Variants in CNGA3 observed in about 807,000 individuals in gnomAD.
CNGA3 encodes cyclic nucleotide gated channel subunit alpha 3.
In CNGA3, 42 loss-of-function variants were observed where a neutral mutation model predicts 46.6. That is an observed-to-expected ratio of 0.90 (90% CI 0.70 to 1.17). The LOEUF is 1.17. Among genes scored for constraint, CNGA3 ranks in the 50% most tolerant of loss-of-function variants. The pLI is 0.00. For missense variants in CNGA3, 893 were observed against 890.7 expected (o/e 1.00, Z -0.03); for synonymous variants, 394 against 369.4 (o/e 1.07, Z -0.76).
chr2:98,383,488 T>C (rs1248562918), intron 5 of CNGA3, 47 bp downstream of exon 5: 1 of 1,597,834 alleles, frequency 6.3e-7, no homozygotes, highest in Non-Finnish European at 8.6e-7. Flanking sequence ...CCCGGTGCCC[T>C]CCACCCCATA....
chr2:98,375,614 G>A (rs1692387040), intron 2 of CNGA3, among the ~76,000 whole-genome samples: 1 of 152,196 alleles, frequency 6.6e-6, no homozygotes, highest in African/African-American at 2.4e-5. Context: ...AGATGAGAGT[G>A]GGTTTCTTAT....
chr2:98,382,862 A>T (rs1692569130), intron 4 of CNGA3, among the ~76,000 whole-genome samples: 1 of 152,202 alleles, frequency 6.6e-6, no homozygotes, highest in South Asian at 2.1e-4. Flanking sequence ...AAACAGCAAC[A>T]ATCCCACCTA....
Position 98,373,196 on chromosome 2 carries a change from C to A in CNGA3, c.101+3120C>A, listed in dbSNP as rs78083163. 8.5e-5 allele frequency among the ~76,000 whole-genome samples: 13 copies of A among 152,250 alleles called. No individual in the cohort carries two copies. In the East Asian group the frequency reaches 2.5e-3, roughly 29 times the overall value. On this transcript the variant is annotated intron_variant, in intron 2 of 7. Coordinates refer to ENST00000272602, the MANE Select transcript of CNGA3 (RefSeq NM_001298.3). ...CCCAGCCCAGCATCTGTCTATCCACCGATGAGGTCTCTATGTGAGACTGAT... is the reference window on the plus strand; with the variant it reads ...CCCAGCCCAGCATCTGTCTATCCACAGATGAGGTCTCTATGTGAGACTGAT...
At chr2:98,384,569 A>C (rs1447013767) in intron 5 of CNGA3, among the ~76,000 whole-genome samples, 1 of 152,242 alleles carries the variant, frequency 6.6e-6, no homozygotes, top group Non-Finnish European at 1.5e-5. Flanking sequence ...TCAAATCCAG[A>C]GACCCAAATG....
chr2:98,363,054 G>T (rs781337892), intron 1 of CNGA3, among the ~76,000 whole-genome samples: 1 of 152,176 alleles, frequency 6.6e-6, no homozygotes, highest in Non-Finnish European at 1.5e-5. Context: ...GGTTACTATA[G>T]TCTTATAGCA....
chr2:98,379,946 CT>C, intron 3 of CNGA3: 1 of 596,148 alleles, frequency 1.7e-6, no homozygotes, highest in East Asian at 2.8e-5. Context: ...AAGCCTGCCC[CT>C]GACTGCAGGG....
At chr2:98,377,541 A>G in intron 2 of CNGA3, 146 bp from the exon 3 acceptor site, 1 of 749,504 alleles carries the variant, frequency 1.3e-6, no homozygotes, top group East Asian at 2.7e-5. Context: ...GCAGGAGGCA[A>G]AGGGAAGTGG....
chr2:98,358,649 A>G (rs1206261020), intron 1 of CNGA3, among the ~76,000 whole-genome samples: 1 of 152,226 alleles, frequency 6.6e-6, no homozygotes, highest in Non-Finnish European at 1.5e-5. Context: ...TACCAAGAAG[A>G]TATAACAACC....
intron 1 of CNGA3, among the ~76,000 whole-genome samples, chr2:98,367,185 CTTTT>C (rs558997785): frequency 1.1e-5 from 1 of 95,204 alleles, no homozygotes; most frequent in Non-Finnish European, 2.1e-5. Context: ...TCTTTTTTTT[CTTTT>C]TTTTTTTTTT....
chr2:98,380,180 C>G lies in CNGA3; in HGVS notation c.221C>G (p.Ser74Trp). The change falls in exon 4 of 8, where the codon TCG becomes TGG. Residue 74 changes from serine to tryptophan, a missense_variant. By Grantham distance (177) the Ser-to-Trp change is radical. Coordinates refer to ENST00000272602, the MANE Select transcript of CNGA3 (RefSeq NM_001298.3). ...GTGCTTGTGTCACCTTCCAGGCTGT[C>G]GCGCCTCATCTTCTTGCTGCGCAGG... ...SFTGQGIARL[S>W]RLIFLLRRWA... is the part of the protein sequence containing the mutation. 6.2e-7 allele frequency: 1 copy of G among 1,614,090 alleles called. No homozygotes were observed. Among genetic ancestry groups the G allele is most frequent in the Non-Finnish European group, 8.5e-7 (1 of 1,180,026 alleles).
chr2:98,375,964 T>G (rs911480896), intron 2 of CNGA3, among the ~76,000 whole-genome samples: 2 of 152,174 alleles, frequency 1.3e-5, no homozygotes, highest in African/African-American at 2.4e-5. Flanking sequence ...GTGGCTGGCA[T>G]ACAGAAAAGA....
chr2:98,351,130 A>T (rs1222868168), intron 1 of CNGA3: 1 of 152,184 alleles, frequency 6.6e-6, no homozygotes, highest in Non-Finnish European at 1.5e-5. Context: ...TTTAATACTT[A>T]TTGGTCCCAG....
chr2:98,362,173 C>CT (rs1231791527), intron 1 of CNGA3, among the ~76,000 whole-genome samples: 13,883 of 89,958 alleles, frequency 0.15, 2,110 homozygotes, highest in Non-Finnish European at 0.22. Flanking sequence ...CCTTTGCCCA[C>CT]TTTTTTTTTT....
intron 5 of CNGA3, among the ~76,000 whole-genome samples, chr2:98,385,453 ACACAAAAACTG>A (rs1692631966): frequency 1.3e-5 from 2 of 152,354 alleles, no homozygotes; most frequent in East Asian, 3.9e-4. Flanking sequence ...GGGCATACAC[ACACAAAAACTG>A]CACTTCATGC....
intron 4 of CNGA3, 36 bp downstream of exon 4, chr2:98,380,390 C>T: frequency 6.3e-7 from 1 of 1,598,306 alleles, no homozygotes; most frequent in Non-Finnish European, 8.5e-7. Context: ...CCTCTGGTGC[C>T]TGCTGGGGCC....
At chr2:98,392,223 A>G (rs1371079954) in intron 7 of CNGA3, among the ~76,000 whole-genome samples, 1 of 152,226 alleles carries the variant, frequency 6.6e-6, no homozygotes, top group East Asian at 1.9e-4. Context: ...GACCTTGAGC[A>G]AGTCAGGCTG....
chr2:98,380,727 C>T (rs1692518380), intron 4 of CNGA3, among the ~76,000 whole-genome samples: 1 of 152,208 alleles, frequency 6.6e-6, no homozygotes, highest in Non-Finnish European at 1.5e-5. Context: ...TCCACTATGA[C>T]CCATCTTGCT....
intron 1 of CNGA3, among the ~76,000 whole-genome samples, chr2:98,348,036 C>T (rs1691682233): frequency 6.6e-6 from 1 of 152,148 alleles, no homozygotes; most frequent in Non-Finnish European, 1.5e-5. Flanking sequence ...CGCCAGAGTC[C>T]CAGTTGTAGA....
At chr2:98,391,443 G>A (rs2104234459) in intron 6 of CNGA3, among the ~76,000 whole-genome samples, 1 of 152,318 alleles carries the variant, frequency 6.6e-6, no homozygotes, top group South Asian at 2.1e-4. Flanking sequence ...GCAGAAAGAT[G>A]GAGAAGGTAG....
Sources: allele counts gnomAD v4.1 joint callset (sites outside exome capture counted in the v4.1 genomes callset), GRCh38; gene constraint gnomAD v4.1.1; transcripts MANE v1.5; gene names NCBI Gene and HGNC (gene_info 2026-07-23, HGNC 2026-07-21).